ADK: variants seen among roughly 807,000 people sequenced by gnomAD.
ADK encodes N6,N6-dimethyladenosine kinase.
In ADK, 24 loss-of-function variants were observed where a neutral mutation model predicts 44.7. The ratio of observed to expected loss-of-function variants is 0.54; its 90% CI spans 0.39 to 0.76. The LOEUF (loss-of-function observed/expected upper bound fraction) is 0.76, where lower values mean the gene tolerates loss of function less well. Ranked by LOEUF, ADK falls within the 30% of genes least tolerant of loss-of-function variation. The pLI, the probability that ADK is intolerant of heterozygous loss-of-function variation, is 0.00. For missense variants in ADK, 321 were observed against 425.1 expected (o/e 0.76, Z 2.15); for synonymous variants, 128 against 142.6 (o/e 0.90, Z 0.73).
rs1589209573 is a variant in ADK, at chr10:74,519,146, T to A, written c.556-6110T>A. 1.3e-5 allele frequency among the ~76,000 whole-genome samples: 2 copies of A among 152,094 alleles called. 1 individual carries two copies. The highest frequency in any genetic ancestry group is 2.9e-5 in the Non-Finnish European group (2 of 67,844). The stretch of plus-strand genomic sequence containing the variant: ...TTATATACCGTATTAGACATAAAAA[T>A]TATTAGATTTTAACCTTCTTTTCAT... On this transcript the variant is annotated intron_variant, in intron 6 of 10. Transcript: ENST00000539909.
At chr10:74,522,193 C>T (rs893392369) in intron 6 of ADK, among the ~76,000 whole-genome samples, 3 of 151,988 alleles carry the variant, frequency 2.0e-5, no homozygotes, top group Non-Finnish European at 2.9e-5. Context: ...TATTTTTATG[C>T]GAAGTCTGAT....
chr10:74,175,069 G>A (rs1296619801), intron 1 of ADK, among the ~76,000 whole-genome samples: 1 of 152,136 alleles, frequency 6.6e-6, no homozygotes, highest in African/African-American at 2.4e-5. Context: ...CAAGATTCCT[G>A]TAATTTTAAA....
intron 9 of ADK, among the ~76,000 whole-genome samples, chr10:74,627,854 C>G (rs1853269575): frequency 6.6e-6 from 1 of 152,124 alleles, no homozygotes; most frequent in Non-Finnish European, 1.5e-5. Context: ...CCAGGCTGAT[C>G]CCAAACTCCT....
intron 3 of ADK, among the ~76,000 whole-genome samples, chr10:74,258,947 GTTTTTT>G (rs141424052): frequency 2.1e-5 from 2 of 96,120 alleles, no homozygotes; most frequent in African/African-American, 3.8e-5. Flanking sequence ...TTGTTTTTGT[GTTTTTT>G]TTTTTTTTTT....
At chr10:74,652,110 G>A (rs902611485) in intron 9 of ADK, among the ~76,000 whole-genome samples, 1 of 144,228 alleles carries the variant, frequency 6.9e-6, no homozygotes, top group African/African-American at 2.6e-5. Flanking sequence ...GCGCCATCTT[G>A]GCTCAACTGC....
At chr10:74,334,838 G>GACCCA (rs1168555804) in intron 4 of ADK, among the ~76,000 whole-genome samples, 5 of 152,110 alleles carry the variant, frequency 3.3e-5, no homozygotes, top group African/African-American at 1.2e-4. Context: ...TGCAGTCAAG[G>GACCCA]ACCCAGCCAT....
intron 3 of ADK, among the ~76,000 whole-genome samples, chr10:74,243,457 C>T (rs1442780446): frequency 6.6e-6 from 1 of 152,146 alleles, no homozygotes; most frequent in Non-Finnish European, 1.5e-5. Flanking sequence ...TGTTTATATT[C>T]CTTTCCATAG....
chr10:74,599,940 C>G (rs1852057095), intron 8 of ADK, among the ~76,000 whole-genome samples: 1 of 151,934 alleles, frequency 6.6e-6, no homozygotes, highest in Non-Finnish European at 1.5e-5. Context: ...TTATAAAAAC[C>G]TCTCTTTAAT....
chr10:74,416,082 C>T (rs190879791), intron 6 of ADK, among the ~76,000 whole-genome samples: 5 of 149,804 alleles, frequency 3.3e-5, no homozygotes, highest in Admixed American at 2.0e-4. Flanking sequence ...GTAATGCTAC[C>T]GTGTTTGAGG....
intron 1 of ADK, among the ~76,000 whole-genome samples, chr10:74,200,156 GTTTTTTTTTTTT>G (rs760622376): frequency 1.6e-4 from 16 of 99,274 alleles, no homozygotes; most frequent in Non-Finnish European, 2.6e-4. Flanking sequence ...GACACCATCT[GTTTTTTTTTTTT>G]TTTTTTTTTG....
chr10:74,469,721 G>A (rs1042686631), intron 6 of ADK, among the ~76,000 whole-genome samples: 2 of 152,182 alleles, frequency 1.3e-5, no homozygotes, highest in African/African-American at 4.8e-5. Flanking sequence ...CACATTGTGT[G>A]CAATAGATTT....
At chr10:74,708,287 A>G in intron 10 of ADK, 34 bp from the exon 11 acceptor site, 1 of 1,605,048 alleles carries the variant, frequency 6.2e-7, no homozygotes, top group Non-Finnish European at 8.5e-7. Context: ...GCTGTTATAC[A>G]ATACTCATGT....
At chr10:74,540,295 G>A (rs1158052535) in intron 7 of ADK, among the ~76,000 whole-genome samples, 1 of 152,026 alleles carries the variant, frequency 6.6e-6, no homozygotes, top group Non-Finnish European at 1.5e-5. Flanking sequence ...ATTTTATGCA[G>A]TAATGCCTTT....
chr10:74,399,725 G>T (rs1029110184), intron 6 of ADK, among the ~76,000 whole-genome samples: 47 of 151,840 alleles, frequency 3.1e-4, no homozygotes, highest in African/African-American at 1.1e-3. Context: ...GGGGATTTAT[G>T]TACTATTTCA....
chr10:74,492,957 A>T (rs1307647199), intron 6 of ADK, among the ~76,000 whole-genome samples: 1 of 152,096 alleles, frequency 6.6e-6, no homozygotes, highest in East Asian at 1.9e-4. Flanking sequence ...CCTATTTCTC[A>T]TTACATGTTC....
intron 6 of ADK, chr10:74,506,389 C>G (rs57485949): frequency 0.023 from 5,137 of 224,224 alleles, 205 homozygotes; most frequent in African/African-American, 0.091. Context: ...CTTGGGAGCA[C>G]TTCCAGCATC....
At chr10:74,239,881 C>T (rs1447352342) in intron 3 of ADK, among the ~76,000 whole-genome samples, 1 of 152,020 alleles carries the variant, frequency 6.6e-6, no homozygotes, top group Non-Finnish European at 1.5e-5. Context: ...ATCTTTGAAC[C>T]AGTTTGTAAT....
At chr10:74,685,286 CTT>C (rs1200884606) in intron 10 of ADK, among the ~76,000 whole-genome samples, 3 of 152,174 alleles carry the variant, frequency 2.0e-5, no homozygotes, top group African/African-American at 7.2e-5. Flanking sequence ...TTATGGTAAA[CTT>C]TTTATGTCTT....
chr10:74,220,344 C>A (rs139403509), intron 2 of ADK, among the ~76,000 whole-genome samples: 18,405 of 152,130 alleles, frequency 0.12, 1,130 homozygotes, highest in Middle Eastern at 0.2. Context: ...TCTGAACAGA[C>A]CAATAACAGG....
Sources: gnomAD v4.1 joint callset for allele counts (sites outside exome capture counted in the v4.1 genomes callset) on GRCh38, gnomAD v4.1.1 for gene constraint, MANE v1.5 for transcripts, NCBI Gene and HGNC (gene_info 2026-07-23, HGNC 2026-07-21) for gene names.